Variants in THBS4 observed in about 807,000 individuals in gnomAD.
THBS4 encodes thrombospondin-4.
THBS4 carries 90 observed loss-of-function variants against 115.7 expected under a neutral mutation model. The observed-to-expected ratio is 0.78, with a 90% CI of 0.66 to 0.93. THBS4 has a LOEUF of 0.93. Among genes scored for constraint, THBS4 ranks in the 40% least tolerant of loss-of-function variants. The pLI, the probability that THBS4 is intolerant of heterozygous loss-of-function variation, is 0.00. For missense variants in THBS4, 1,087 were observed against 1,232.7 expected (o/e 0.88, Z 1.77); for synonymous variants, 460 against 479.3 (o/e 0.96, Z 0.53).
chr5:80,060,734 G>C lies in THBS4; in HGVS notation c.987+829G>C, dbSNP rs115729501. Among the ~76,000 whole-genome samples, 644 of 152,264 alleles carry C rather than the reference G, an allele frequency of 4.2e-3. 3 individuals carry two copies. The highest frequency in any genetic ancestry group is 0.015 in the African/African-American group (618 of 41,552). On this transcript the variant is annotated intron_variant, in intron 7 of 21. Coordinates refer to ENST00000350881, the MANE Select transcript of THBS4 (RefSeq NM_003248.6). Reference sequence around the variant, plus strand: ...TGATGGCACCACTGCACTCTAGCCTGGGCACAACCCTGTCTCAAAAAAACA... The same window carrying C: ...TGATGGCACCACTGCACTCTAGCCTCGGCACAACCCTGTCTCAAAAAAACA...
intron 2 of THBS4, among the ~76,000 whole-genome samples, chr5:80,007,278 G>A: frequency 6.6e-6 from 1 of 152,274 alleles, no homozygotes; most frequent in South Asian, 2.1e-4. Context: ...CAATAGCATG[G>A]TTAAAAGAAC....
chr5:80,056,135 C>G, intron 3 of THBS4, 103 bp downstream of exon 3: 2 of 1,353,988 alleles, frequency 1.5e-6, no homozygotes, highest in Non-Finnish European at 2.0e-6. Flanking sequence ...GTCAGTGGGT[C>G]TAATGCCGCT....
intron 2 of THBS4, among the ~76,000 whole-genome samples, chr5:80,048,071 T>C (rs1476883714): frequency 6.6e-6 from 1 of 152,116 alleles, no homozygotes; most frequent in African/African-American, 2.4e-5. Context: ...GCCGTGATCA[T>C]GCCACTGCAC....
intron 2 of THBS4, among the ~76,000 whole-genome samples, chr5:80,000,485 A>G (rs918829953): frequency 1.3e-5 from 2 of 152,078 alleles, no homozygotes; most frequent in African/African-American, 4.8e-5. Context: ...CCCCTTGACT[A>G]CAAGGCATTT....
At chr5:80,079,409 C>T (rs1743380434) in intron 19 of THBS4, 151 bp downstream of exon 19, 2 of 867,366 alleles carry the variant, frequency 2.3e-6, no homozygotes, top group Non-Finnish European at 3.4e-6. Context: ...ACAGTTGACC[C>T]TTGCCTTCAT....
In THBS4 at chr5:80,071,132, G is replaced by A. The variant is rs750568029; in HGVS notation, c.1672G>A (p.Asp558Asn). Residue 558 changes from aspartate (D) to asparagine (N), a missense_variant, in exon 13 of 22, where the codon GAT becomes AAT. Around this residue, in one of 3 missense-constraint regions of THBS4, gnomAD observed 979 missense variants for 1,103.7 expected, o/e 0.89. Transcript: ENST00000350881. Reference sequence around the variant, plus strand: ...CTTAAATAACGACCAGAAAGACACCGATGGGGATGGAAGAGGAGATGCCTG... The same window carrying A: ...CTTAAATAACGACCAGAAAGACACCAATGGGGATGGAAGAGGAGATGCCTG... ...SVLNNDQKDT[D>N]GDGRGDACDD... The A allele has an allele frequency of 6.7e-5, 107 of 1,606,904 alleles. No homozygotes were observed. Among genetic ancestry groups the A allele is most frequent in the Non-Finnish European group, 8.1e-5 (96 of 1,178,290 alleles).
At position 80,038,162 on chromosome 5, in the gene THBS4, AAAAAT is replaced by A. The variant is rs565296074; in HGVS notation, c.89-1905_89-1901del. On this transcript the variant is annotated intron_variant, in intron 1 of 21. Coordinates refer to ENST00000350881, the MANE Select transcript of THBS4 (RefSeq NM_003248.6). ...AGAAAAGATTAAAGTTAGATAAGCA[AAAAAT>A]AAAATAAAAAGAAAAGAGGAAATTT... Among the ~76,000 whole-genome samples, 17 of 152,346 alleles carry A rather than the reference AAAAAT, an allele frequency of 1.1e-4. No individual in the cohort carries two copies. The South Asian group carries it at 2.9e-3, about 26-fold the overall frequency.
chr5:80,056,248 A>G (rs141297008), intron 3 of THBS4, among the ~76,000 whole-genome samples: 8 of 152,262 alleles, frequency 5.3e-5, no homozygotes, highest in African/African-American at 1.9e-4. Context: ...GCATATTTTT[A>G]TGCTAGGGGC....
chr5:80,012,436 T>C (rs543079545), intron 2 of THBS4, among the ~76,000 whole-genome samples: 4 of 152,146 alleles, frequency 2.6e-5, no homozygotes, highest in Non-Finnish European at 5.9e-5. Context: ...ATGTGGTGTG[T>C]ACAACAGGAA....
chr5:80,002,594 A>T (rs1180116631), intron 2 of THBS4, among the ~76,000 whole-genome samples: 1 of 151,974 alleles, frequency 6.6e-6, no homozygotes, highest in Non-Finnish European at 1.5e-5. Flanking sequence ...GTGCAGAGAA[A>T]GTCAACTGTA....
intron 1 of THBS4, 36 bp from the exon 2 acceptor site, chr5:80,040,041 C>T (rs201953068): frequency 6.3e-7 from 1 of 1,591,648 alleles, no homozygotes; most frequent in Non-Finnish European, 8.6e-7. Context: ...AAAATTGAAT[C>T]TTTCACTTAT....
chr5:80,005,678 A>G (rs1831999996), intron 2 of THBS4, among the ~76,000 whole-genome samples: 1 of 151,652 alleles, frequency 6.6e-6, no homozygotes, highest in Non-Finnish European at 1.5e-5. Context: ...TGGCTGGCAG[A>G]GCACTGTGAG....
intron 2 of THBS4, among the ~76,000 whole-genome samples, chr5:80,028,102 C>T (rs1832516335): frequency 6.6e-6 from 1 of 151,314 alleles, no homozygotes; most frequent in Non-Finnish European, 1.5e-5. Context: ...GCAATCCCAG[C>T]TACACAGGAG....
intron 2 of THBS4, among the ~76,000 whole-genome samples, chr5:80,053,825 A>G (rs950535421): frequency 1.3e-5 from 2 of 152,102 alleles, no homozygotes; most frequent in Non-Finnish European, 2.9e-5. Flanking sequence ...CGGCCTCCCA[A>G]AGTGCTGGGT....
intron 21 of THBS4, 119 bp from the exon 22 acceptor site, chr5:80,082,961 G>A: frequency 1.7e-6 from 1 of 586,852 alleles, no homozygotes; most frequent in Non-Finnish European, 2.5e-6. Flanking sequence ...GCGAGGGCCT[G>A]CGGGGCGTCC....
chr5:80,083,123 C>T lies in THBS4; in HGVS notation c.2868C>T (p.Phe956=), dbSNP rs1350730465. ...EDFQEFQTQN[F]DRFDN ...TCCAAGAGTTTCAAACCCAGAATTTCGACCGCTTCGATAATTAAACCAAGG... is the reference window on the plus strand; with the variant it reads ...TCCAAGAGTTTCAAACCCAGAATTTTGACCGCTTCGATAATTAAACCAAGG... The change falls in exon 22 of 22, where the codon TTC becomes TTT. Residue 956 remains phenylalanine, a synonymous_variant. Transcript: ENST00000350881. The T allele has an allele frequency of 1.4e-5, 22 of 1,613,748 alleles. No homozygotes were observed. The highest frequency in any genetic ancestry group is 1.8e-5 in the Non-Finnish European group (21 of 1,179,738).
chr5:80,079,893 G>A lies in THBS4; in HGVS notation c.2512-12G>A. The A allele has an allele frequency of 1.7e-5, 27 of 1,613,452 alleles. No individual in the cohort carries two copies. Among genetic ancestry groups the A allele is most frequent in the Non-Finnish European group, 2.2e-5 (26 of 1,179,542 alleles). ...TGTCCTGTCCTAAAACCTTGCTTGT[G>A]TCATCATGCAGGCTGTGAAGTCTAA... On this transcript the variant is annotated splice_polypyrimidine_tract_variant and intron_variant, in intron 19 of 21. Transcript: ENST00000350881.
At chr5:80,065,075 A>C (rs1350977086) in intron 8 of THBS4, among the ~76,000 whole-genome samples, 2 of 152,122 alleles carry the variant, frequency 1.3e-5, no homozygotes, top group Non-Finnish European at 2.9e-5. Flanking sequence ...AAAGCTAAGA[A>C]TCCTCATTTA....
chr5:80,015,713 A>C (rs190921703), intron 2 of THBS4, among the ~76,000 whole-genome samples: 1 of 152,306 alleles, frequency 6.6e-6, no homozygotes, highest in African/African-American at 2.4e-5. Flanking sequence ...CTGGCTCCCA[A>C]GGCAAGTGTT....
Sources: gnomAD v4.1 joint callset for allele counts (sites outside exome capture counted in the v4.1 genomes callset) on GRCh38, gnomAD v4.1.1 for gene constraint, gnomAD v4.1.1 regional missense constraint, MANE v1.5 for transcripts, NCBI Gene and HGNC (gene_info 2026-07-23, HGNC 2026-07-21) for gene names.